The following JPH3 variants were observed in gnomAD, a reference collection of about 807,000 sequenced individuals.
JPH3 encodes junctophilin-3.
Under a neutral mutation model 59.6 loss-of-function variants are expected in JPH3, and 11 were observed. The observed-to-expected ratio is 0.18, with a 90% CI of 0.12 to 0.31. JPH3 has a LOEUF of 0.31. JPH3 is among the 10% of genes least tolerant of loss of function. JPH3 has a pLI of 1.00. For synonymous variants in JPH3, 673 were observed against 483.6 expected (o/e 1.39, Z -5.14); for missense variants, 1,202 against 1,105.7 (o/e 1.09, Z -1.24).
rs781677956 is a variant in JPH3 at position 87,684,209 on chromosome 16, C to A, written c.1228C>A (p.Arg410=). 6.2e-7 allele frequency: 1 copy of A among 1,613,982 alleles called. No homozygotes were observed. Among genetic ancestry groups the A allele is most frequent in the Admixed American group, 1.7e-5 (1 of 60,016 alleles). Residue 410 remains arginine, a synonymous_variant, in exon 3 of 5, where the codon CGG becomes AGG. Transcript: ENST00000284262. ...TAAQKAQEEA[R]IARITAKEFS... ...AGCTCAGAAAGCCCAGGAGGAGGCGCGGATCGCCAGGATCACTGCCAAAGA... is the reference window on the plus strand; with the variant it reads ...AGCTCAGAAAGCCCAGGAGGAGGCGAGGATCGCCAGGATCACTGCCAAAGA...
rs766746455 is a variant in JPH3, at chr16:87,694,936, CTG to C, written c.2167-1638_2167-1637del. 42 of 247,852 alleles carry C rather than the reference CTG, an allele frequency of 1.7e-4. No individual in the cohort carries two copies. The Admixed American group carries it at 1.8e-3, about 11-fold the overall frequency. The allele number at this position is 247,852 out of a possible 1,614,324, so 15.4% of individuals were successfully genotyped here. A position where few individuals can be genotyped will look rare whatever the true frequency, so the allele number is the denominator to read the frequency against. ...GGTTGCACGGCCCATGTCTTCCCCG[CTG>C]TGTGTTCATCCTCCACTGGACAGCT... On this transcript the variant is annotated intron_variant, in intron 4 of 4. Transcript: ENST00000284262.
chr16:87,650,000 C>G (rs2032280384), intron 2 of JPH3, among the ~76,000 whole-genome samples: 1 of 152,130 alleles, frequency 6.6e-6, no homozygotes, highest in African/African-American at 2.4e-5. Flanking sequence ...AAGCAGAAAC[C>G]CAAGCTGAGA....
chr16:87,619,506 C>T (rs924837615), intron 1 of JPH3, among the ~76,000 whole-genome samples: 5 of 152,166 alleles, frequency 3.3e-5, no homozygotes, highest in Non-Finnish European at 7.3e-5. Context: ...CTCCAGAGTA[C>T]CAGGCACAGT....
Position 87,634,330 on chromosome 16 carries a change from C to T in JPH3, c.383-9928C>T, listed in dbSNP as rs138823364. Among the ~76,000 whole-genome samples the T allele has an allele frequency of 1.4e-3, 217 of 152,234 alleles. 1 individual carries two copies. The highest frequency in any genetic ancestry group is 0.01 in the Middle Eastern group (3 of 294). On this transcript the variant is annotated intron_variant, in intron 1 of 4. Transcript: ENST00000284262. ...GAGAGTGGGTATAGGGGACAGAAACCCAGCCAAAGCGGCTCAAGTGGAAGA... is the reference window on the plus strand; with the variant it reads ...GAGAGTGGGTATAGGGGACAGAAACTCAGCCAAAGCGGCTCAAGTGGAAGA...
intron 1 of JPH3, among the ~76,000 whole-genome samples, chr16:87,625,212 C>G (rs1241930696): frequency 2.0e-5 from 3 of 152,244 alleles, no homozygotes; most frequent in African/African-American, 7.2e-5. Context: ...CAGGGCTCCA[C>G]CTGGCGACTG....
rs34387607 is a variant in JPH3, at chr16:87,645,052, G to C, written c.1160+17G>C. The C allele has an allele frequency of 6.3e-7, 1 of 1,589,296 alleles. No individual in the cohort carries two copies. Among genetic ancestry groups the C allele is most frequent in the Admixed American group, 1.7e-5 (1 of 59,144 alleles). ...GGCTTCCAGGTAGGAGGGCGAGGGG[G>C]CGGGGGGCCCTTCTTGGTGCCCAGA... On this transcript the variant is annotated intron_variant, in intron 2 of 4. Coordinates refer to ENST00000284262, the MANE Select transcript of JPH3 (RefSeq NM_020655.4).
chr16:87,651,308 C>A (rs74685487), intron 2 of JPH3, among the ~76,000 whole-genome samples: 3 of 152,204 alleles, frequency 2.0e-5, no homozygotes, highest in Non-Finnish European at 4.4e-5. Flanking sequence ...TGTTTGCGTG[C>A]CTGCTAACAT....
At chr16:87,635,502 C>A (rs1215648439) in intron 1 of JPH3, among the ~76,000 whole-genome samples, 2 of 152,168 alleles carry the variant, frequency 1.3e-5, no homozygotes, top group African/African-American at 4.8e-5. Flanking sequence ...GGCTTTCGGA[C>A]CCAGACAATG....
intron 4 of JPH3, among the ~76,000 whole-genome samples, chr16:87,692,359 A>G (rs2033614231): frequency 6.6e-6 from 1 of 152,212 alleles, no homozygotes; most frequent in Non-Finnish European, 1.5e-5. Context: ...GCCGGCATCC[A>G]TGTCAGGGGA....
intron 4 of JPH3, among the ~76,000 whole-genome samples, chr16:87,691,663 G>A (rs897962305): frequency 2.6e-5 from 4 of 152,150 alleles, no homozygotes; most frequent in East Asian, 1.9e-4. Context: ...CCTGCCGGGC[G>A]GCAATGCCTG....
At position 87,672,246 on chromosome 16, in the gene JPH3, C is replaced by T. The variant is rs189385090; in HGVS notation, c.1161-11896C>T. On this transcript the variant is annotated intron_variant, in intron 2 of 4. Coordinates refer to ENST00000284262, the MANE Select transcript of JPH3 (RefSeq NM_020655.4). Reference sequence around the variant, plus strand: ...TCCTGAAGAGACTCCGTTTCTAACACGCCGGGAGCCCTGCGCTTTGTCATG... The same window carrying T: ...TCCTGAAGAGACTCCGTTTCTAACATGCCGGGAGCCCTGCGCTTTGTCATG... 2.3e-3 allele frequency among the ~76,000 whole-genome samples: 357 copies of T among 152,254 alleles called. 2 individuals carry two copies. The highest frequency in any genetic ancestry group is 7.5e-3 in the African/African-American group (313 of 41,534).
At chr16:87,644,112 T>TG in intron 1 of JPH3, 146 bp from the exon 2 acceptor site, 1 of 848,690 alleles carries the variant, frequency 1.2e-6, no homozygotes, top group Non-Finnish European at 1.8e-6. Flanking sequence ...CACTCCAGCC[T>TG]GGGCAACACA....
intron 1 of JPH3, among the ~76,000 whole-genome samples, chr16:87,626,472 TC>T (rs1432079467): frequency 6.6e-6 from 1 of 152,216 alleles, no homozygotes; most frequent in Non-Finnish European, 1.5e-5. Context: ...CTGTGAGGTT[TC>T]ACCTGGGGCC....
chr16:87,646,715 G>T (rs1316929603), intron 2 of JPH3, among the ~76,000 whole-genome samples: 1 of 152,182 alleles, frequency 6.6e-6, no homozygotes, highest in African/African-American at 2.4e-5. Flanking sequence ...AGTTTTGGGG[G>T]CTGGGGGACA....
intron 1 of JPH3, among the ~76,000 whole-genome samples, chr16:87,641,078 C>A (rs1048248096): frequency 6.6e-6 from 1 of 152,196 alleles, no homozygotes; most frequent in African/African-American, 2.4e-5. Flanking sequence ...CGGGTGGTTC[C>A]GAGTCAGCTG....
In JPH3 at chr16:87,696,774, G is replaced by C. The variant is rs2033878932; in HGVS notation, c.*114G>C. Reference sequence around the variant, plus strand: ...ACTCGGACAGCCCAGCGACTTCCAAGTCCTCTCACAGAAGAACCACACGAT... The same window carrying C: ...ACTCGGACAGCCCAGCGACTTCCAACTCCTCTCACAGAAGAACCACACGAT... On this transcript the variant is annotated 3_prime_UTR_variant, in exon 5 of 5. Coordinates refer to ENST00000284262, the MANE Select transcript of JPH3 (RefSeq NM_020655.4). 6.1e-6 allele frequency: 5 copies of C among 813,260 alleles called. No individual in the cohort carries two copies. In the East Asian group the frequency reaches 1.3e-4, roughly 21 times the overall value. The allele number at this position is 813,260 out of a possible 1,614,324, so 50.4% of individuals were successfully genotyped here. A position where few individuals can be genotyped will look rare whatever the true frequency, so the allele number is the denominator to read the frequency against.
In JPH3 at chr16:87,624,949, G is replaced by A. The variant is rs139841179; in HGVS notation, c.383-19309G>A. On this transcript the variant is annotated intron_variant, in intron 1 of 4. Coordinates refer to ENST00000284262, the MANE Select transcript of JPH3 (RefSeq NM_020655.4). ...GAAGTAGCTGGGATTATAGGCATGC[G>A]CCACCATGCCCGGCTAATTTTGTAT... Among the ~76,000 whole-genome samples, 850 of 152,232 alleles carry A rather than the reference G, an allele frequency of 5.6e-3. 8 individuals are homozygous for A. The highest frequency in any genetic ancestry group is 0.019 in the African/African-American group (809 of 41,542).
chr16:87,677,816 A>G (rs551083033), intron 2 of JPH3, among the ~76,000 whole-genome samples: 1 of 152,356 alleles, frequency 6.6e-6, no homozygotes, highest in African/African-American at 2.4e-5. Flanking sequence ...TCCTGTCTCC[A>G]CGAACCACAA....
At chr16:87,627,086 C>G (rs537912709) in intron 1 of JPH3, among the ~76,000 whole-genome samples, 8 of 152,264 alleles carry the variant, frequency 5.3e-5, no homozygotes, top group African/African-American at 1.4e-4. Flanking sequence ...GCCCCAGCCC[C>G]GCTGAATCAG....
Sources: gnomAD v4.1 joint callset for allele counts (sites outside exome capture counted in the v4.1 genomes callset) on GRCh38, gnomAD v4.1.1 for gene constraint, MANE v1.5 for transcripts, NCBI Gene and HGNC (gene_info 2026-07-23, HGNC 2026-07-21) for gene names.